Variants in ZBTB39 observed in about 807,000 individuals in gnomAD.
ZBTB39 encodes the protein zinc finger and BTB domain-containing protein 39.
A neutral mutation model predicts 39.4 loss-of-function variants in ZBTB39; 25 were observed. That is an observed-to-expected ratio of 0.63 (90% confidence interval 0.46 to 0.89). The LOEUF (loss-of-function observed/expected upper bound fraction) is 0.89. Ranked by LOEUF, ZBTB39 falls within the 40% of genes least tolerant of loss-of-function variation. The pLI is 0.00. For synonymous variants in ZBTB39, 373 were observed against 359.6 expected (o/e 1.04, Z -0.42); for missense variants, 891 against 909.7 (o/e 0.98, Z 0.26).
rs1043630257 is a variant in ZBTB39, at chr12:57,006,511, A to G, written c.-151T>C. On this transcript the variant is annotated 5_prime_UTR_variant, in exon 1 of 2. Transcript: ENST00000300101. ...AGGCGGCGCCGCCGGCCGCGGCCAG[A>G]CTCTCCATCCGCCGCGCGGCTCGCC... 2 of 143,404 alleles carry G rather than the reference A, an allele frequency of 1.4e-5. No individual in the cohort carries two copies. Among genetic ancestry groups the G allele is most frequent in the Non-Finnish European group, 3.1e-5 (2 of 65,016 alleles). 8.9% of individuals were successfully genotyped at this position (143,404 alleles called of 1,614,324 possible). A position where few individuals can be genotyped will look rare whatever the true frequency, so the allele number is the denominator to read the frequency against.
chr12:57,002,849 T>A lies in ZBTB39; in HGVS notation c.2069A>T (p.Asp690Val), dbSNP rs1956217702. ...CATGAAGGTCTGCTCGATGGTGAAGTCAGGGGGGAGGCTGCCTTTGTGCAC... is the reference window on the plus strand; with the variant it reads ...CATGAAGGTCTGCTCGATGGTGAAGACAGGGGGGAGGCTGCCTTTGTGCAC... ...VGVHKGSLPP[D>V]FTIEQTFMYI... Residue 690 changes from aspartate to valine, a missense_variant, in exon 2 of 2, where the codon GAC becomes GTC. Physicochemically the swap from Asp to Val is radical, Grantham distance 152. Coordinates refer to ENST00000300101, the MANE Select transcript of ZBTB39 (RefSeq NM_014830.3). 6.2e-7 allele frequency: 1 copy of A among 1,614,082 alleles called. No individual in the cohort carries two copies. Among genetic ancestry groups the A allele is most frequent in the Non-Finnish European group, 8.5e-7 (1 of 1,180,040 alleles).
chr12:57,001,898 T>A lies in ZBTB39; in HGVS notation c.*881A>T, dbSNP rs1397757648. 1.3e-5 allele frequency: 2 copies of A among 152,560 alleles called. No individual in the cohort carries two copies. The highest frequency in any genetic ancestry group is 2.9e-5 in the Non-Finnish European group (2 of 68,022). 9.5% of individuals were successfully genotyped at this position (152,560 alleles called of 1,614,324 possible). On this transcript the variant is annotated 3_prime_UTR_variant, in exon 2 of 2. Coordinates refer to ENST00000300101, the MANE Select transcript of ZBTB39 (RefSeq NM_014830.3). ...GGCAAGGCTGCTGCTGTCAGATACA[T>A]CCCCACCTCTCCACCAAGACACTCA...
Position 57,002,438 on chromosome 12 carries a change from G to C in ZBTB39, c.*341C>G. On this transcript the variant is annotated 3_prime_UTR_variant, in exon 2 of 2. Transcript: ENST00000300101. ...GAGGCTGTTGGTTGGATTCTTAGCA[G>C]CATAAAACCTATCAGTAAACTAAAA... 3.5e-6 allele frequency: 1 copy of C among 283,870 alleles called. No individual in the cohort carries two copies. The highest frequency in any genetic ancestry group is 6.7e-6 in the Non-Finnish European group (1 of 150,026). 17.6% of individuals were successfully genotyped at this position (283,870 alleles called of 1,614,324 possible).
Position 57,004,595 on chromosome 12 carries a change from C to T in ZBTB39, c.323G>A (p.Arg108His), listed in dbSNP as rs769635085. 29 of 1,614,090 alleles carry T rather than the reference C, an allele frequency of 1.8e-5. No homozygotes were observed. Among genetic ancestry groups the T allele is most frequent in the Middle Eastern group, 1.6e-4 (1 of 6,084 alleles). ...CTGGAGGAGGTCCTCCATACCCAGA[C>T]GCTCAGCTACCTCGTAGATGACCCC... ...NVGVIYEVAE[R>H]LGMEDLLQAC... is the part of the protein sequence containing the mutation. The change falls in exon 2 of 2, where the codon CGT (arginine) becomes CAT (histidine). Residue 108 changes from arginine (R) to histidine (H), a missense_variant. Transcript: ENST00000300101.
chr12:57,001,235 T>C lies in ZBTB39; in HGVS notation c.*1544A>G, dbSNP rs952327758. ...AAACTCATTTTCCTAAAGTCTCTTA[T>C]ACAAAAGAGATGCTGGGTAATGTGT... On this transcript the variant is annotated 3_prime_UTR_variant, in exon 2 of 2. Coordinates refer to ENST00000300101, the MANE Select transcript of ZBTB39 (RefSeq NM_014830.3). The C allele has an allele frequency of 6.6e-5, 10 of 152,550 alleles. No homozygotes were observed. The highest frequency in any genetic ancestry group is 2.2e-4 in the African/African-American group (9 of 41,448). The allele number at this position is 152,550 out of a possible 1,614,324, so 9.4% of individuals were successfully genotyped here.
chr12:57,003,507 T>A lies in ZBTB39; in HGVS notation c.1411A>T (p.Ile471Phe). 1 of 1,614,026 alleles carries A rather than the reference T, an allele frequency of 6.2e-7. No individual in the cohort carries two copies. The highest frequency in any genetic ancestry group is 8.5e-7 in the Non-Finnish European group (1 of 1,179,854). The part of the protein sequence containing the change: ...AKDFHVVRGH[I>F]LDHLNLKGQA... The stretch of plus-strand genomic sequence containing the variant: ...CCCTTCAAGTTTAGATGGTCAAGGA[T>A]GTGGCCCCGGACCACATGGAAATCT... The change falls in exon 2 of 2, where the codon ATC becomes TTC. Residue 471 changes from isoleucine (I) to phenylalanine (F), a missense_variant. Transcript: ENST00000300101. This position sits in a 1 kb window ranked among gnomAD's most constrained non-coding sequence, Gnocchi z 4.8.
chr12:57,004,242 T>A lies in ZBTB39; in HGVS notation c.676A>T (p.Thr226Ser). ...CTGACAGTGCCTAGGAGTGGCTGGGTCATCATGCTAGGAATGGACGTGAAG... is the reference window on the plus strand; with the variant it reads ...CTGACAGTGCCTAGGAGTGGCTGGGACATCATGCTAGGAATGGACGTGAAG... ...APFTSIPSMMTQPLLGTVSTG... is the reference protein window; with the variant it reads ...APFTSIPSMMSQPLLGTVSTG... The change falls in exon 2 of 2, where the codon ACC (threonine) becomes TCC (serine). Residue 226 changes from threonine (T) to serine (S), a missense_variant. Thr to Ser is a moderately conservative substitution (Grantham distance 58). Transcript: ENST00000300101. 6.2e-7 allele frequency: 1 copy of A among 1,611,228 alleles called. No individual in the cohort carries two copies. The highest frequency in any genetic ancestry group is 1.1e-5 in the South Asian group (1 of 90,984).
In ZBTB39 at chr12:57,004,464, G is replaced by A; in HGVS notation, c.454C>T (p.Pro152Ser). The A allele has an allele frequency of 3.1e-6, 5 of 1,614,204 alleles. No homozygotes were observed. In the East Asian group the frequency reaches 6.7e-5, roughly 22 times the overall value. Residue 152 changes from proline to serine, a missense_variant, in exon 2 of 2, where the codon CCT (proline) becomes TCT (serine). Pro to Ser is a moderately conservative substitution (Grantham distance 74). Coordinates refer to ENST00000300101, the MANE Select transcript of ZBTB39 (RefSeq NM_014830.3). Reference sequence around the variant, plus strand: ...CGGAGTTCTCCAAGGGGATGGGCAGGTTCTGCCGAAGGACAACTCAGGGTA... The same window carrying A: ...CGGAGTTCTCCAAGGGGATGGGCAGATTCTGCCGAAGGACAACTCAGGGTA... ...SGTLSCPSAE[P>S]AHPLGELRGG...
Position 57,002,851 on chromosome 12 carries a change from AG to A in ZBTB39, c.2066del (p.Pro689LeufsTer42). ...HVGVHKGSLP[P>X]DFTIEQTFMY... ...TGAAGGTCTGCTCGATGGTGAAGTC[AG>A]GGGGGAGGCTGCCTTTGTGCACACC... On this transcript the variant is annotated frameshift_variant, in exon 2 of 2. Coordinates refer to ENST00000300101, the MANE Select transcript of ZBTB39 (RefSeq NM_014830.3). LOFTEE classifies it high-confidence loss of function. The A allele has an allele frequency of 6.2e-7, 1 of 1,614,172 alleles. No homozygotes were observed. The highest frequency in any genetic ancestry group is 8.5e-7 in the Non-Finnish European group (1 of 1,180,018).
At position 57,004,427 on chromosome 12, in the gene ZBTB39, T is replaced by A; in HGVS notation, c.491A>T (p.Asp164Val). 6.2e-7 allele frequency: 1 copy of A among 1,614,196 alleles called. No individual in the cohort carries two copies. Among genetic ancestry groups the A allele is most frequent in the Non-Finnish European group, 8.5e-7 (1 of 1,180,030 alleles). Reference sequence around the variant, plus strand: ...ATAGTTTCTATCAGCACCAAGGTAGTCCCCACCACCTCGGAGTTCTCCAAG... The same window carrying A: ...ATAGTTTCTATCAGCACCAAGGTAGACCCCACCACCTCGGAGTTCTCCAAG... Reference protein sequence around the residue: ...HPLGELRGGGDYLGADRNYVL... With the variant: ...HPLGELRGGGVYLGADRNYVL... Residue 164 changes from aspartate (D) to valine (V), a missense_variant, in exon 2 of 2, where the codon GAC becomes GTC. Asp to Val is a radical substitution (Grantham distance 152, BLOSUM62 -3). Transcript: ENST00000300101.
At position 57,001,724 on chromosome 12, in the gene ZBTB39, T is replaced by A. The variant is rs1956211363; in HGVS notation, c.*1055A>T. On this transcript the variant is annotated 3_prime_UTR_variant, in exon 2 of 2. Transcript: ENST00000300101. Reference sequence around the variant, plus strand: ...CAGGTTACCCGACTAGGACAGACAGTCAGAACGCACACCCTGCTACACACC... The same window carrying A: ...CAGGTTACCCGACTAGGACAGACAGACAGAACGCACACCCTGCTACACACC... The A allele has an allele frequency of 6.6e-6, 1 of 151,874 alleles. No homozygotes were observed. Among genetic ancestry groups the A allele is most frequent in the African/African-American group, 2.4e-5 (1 of 41,084 alleles). 9.4% of individuals were successfully genotyped at this position (151,874 alleles called of 1,614,324 possible).
chr12:57,002,807 T>C lies in ZBTB39; in HGVS notation c.2111A>G (p.Lys704Arg). 6 of 1,614,094 alleles carry C rather than the reference T, an allele frequency of 3.7e-6. No homozygotes were observed. The highest frequency in any genetic ancestry group is 4.2e-6 in the Non-Finnish European group (5 of 1,179,972). Reference sequence around the variant, plus strand: ...ACTGTCCGGGTTCTTATCCGCCTCTTTGGAATGGATGATGTACATGAAGGT... The same window carrying C: ...ACTGTCCGGGTTCTTATCCGCCTCTCTGGAATGGATGATGTACATGAAGGT... ...EQTFMYIIHS[K>R]EADKNPDS is the part of the protein sequence containing the mutation. The change falls in exon 2 of 2, where the codon AAA becomes AGA. Residue 704 changes from lysine to arginine, a missense_variant. Coordinates refer to ENST00000300101, the MANE Select transcript of ZBTB39 (RefSeq NM_014830.3).
At position 57,002,904 on chromosome 12, in the gene ZBTB39, T is replaced by C; in HGVS notation, c.2014A>G (p.Thr672Ala). 1 of 1,614,096 alleles carries C rather than the reference T, an allele frequency of 6.2e-7. No homozygotes were observed. Among genetic ancestry groups the C allele is most frequent in the Non-Finnish European group, 8.5e-7 (1 of 1,180,014 alleles). ...RCTVCGHYSS[T>A]LNLMSKHVGV... is the part of the protein sequence containing the mutation. The stretch of plus-strand genomic sequence containing the variant: ...ACATGTTTGCTCATGAGGTTAAGGG[T>C]GGAACTGTAGTGCCCACAGACTGTG... Residue 672 changes from threonine (T) to alanine (A), a missense_variant, in exon 2 of 2, where the codon ACC becomes GCC. Coordinates refer to ENST00000300101, the MANE Select transcript of ZBTB39 (RefSeq NM_014830.3).
chr12:57,002,911 G>A lies in ZBTB39; in HGVS notation c.2007C>T (p.Tyr669=), dbSNP rs764228924. Residue 669 remains tyrosine, a synonymous_variant, in exon 2 of 2, where the codon TAC becomes TAT. Coordinates refer to ENST00000300101, the MANE Select transcript of ZBTB39 (RefSeq NM_014830.3). ...LMYRCTVCGH[Y]SSTLNLMSKH... The stretch of plus-strand genomic sequence containing the variant: ...TGCTCATGAGGTTAAGGGTGGAACT[G>A]TAGTGCCCACAGACTGTGCAGCGGT... 15 of 1,614,262 alleles carry A rather than the reference G, an allele frequency of 9.3e-6. No homozygotes were observed. Among genetic ancestry groups the A allele is most frequent in the Admixed American group, 8.3e-5 (5 of 60,034 alleles).
rs1681255331 is a variant in ZBTB39 at position 57,003,080 on chromosome 12, C to T, written c.1838G>A (p.Arg613Lys). The T allele has an allele frequency of 1.9e-6, 3 of 1,614,176 alleles. No homozygotes were observed. Among genetic ancestry groups the T allele is most frequent in the Non-Finnish European group, 2.5e-6 (3 of 1,180,036 alleles). ...SKYSCKVCGKRFAHTSEFNYH... is the reference protein window; with the variant it reads ...SKYSCKVCGKKFAHTSEFNYH... ...GTTGAATTCGCTTGTGTGGGCAAAT[C>T]TTTTGCCACAGACCTTGCAGCTATA... Residue 613 changes from arginine to lysine, a missense_variant, in exon 2 of 2, where the codon AGA becomes AAA. Transcript: ENST00000300101. This position sits in a 1 kb window ranked among gnomAD's most constrained non-coding sequence, Gnocchi z 4.8.
chr12:57,003,778 GT>G lies in ZBTB39; in HGVS notation c.1139del (p.His380ProfsTer9). The G allele has an allele frequency of 6.2e-7, 1 of 1,614,234 alleles. No homozygotes were observed. The highest frequency in any genetic ancestry group is 8.5e-7 in the Non-Finnish European group (1 of 1,180,048). On this transcript the variant is annotated frameshift_variant, in exon 2 of 2. Coordinates refer to ENST00000300101, the MANE Select transcript of ZBTB39 (RefSeq NM_014830.3). LOFTEE classifies it high-confidence loss of function. This position sits in a 1 kb window ranked among gnomAD's most constrained non-coding sequence, Gnocchi z 4.8. The part of the protein sequence containing the change: ...LTGNCKVCET[H>X]FQDRNSRVTH... ...TTACCCGGGAGTTTCGGTCCTGGAAGTGGGTCTCGCAGACCTTGCAGTTGCC... is the reference window on the plus strand; with the variant it reads ...TTACCCGGGAGTTTCGGTCCTGGAAGGGGTCTCGCAGACCTTGCAGTTGCC...
rs376665716 is a variant in ZBTB39, at chr12:57,004,318, C to A, written c.600G>T (p.Pro200=). The A allele has an allele frequency of 2.5e-6, 4 of 1,613,978 alleles. No homozygotes were observed. Among genetic ancestry groups the A allele is most frequent in the East Asian group, 4.5e-5 (2 of 44,890 alleles). Residue 200 remains proline, a synonymous_variant, in exon 2 of 2, where the codon CCG becomes CCT. Transcript: ENST00000300101. ...TCTTTGGCGGTGGTGGGGGCGGTTGCGGCAGATGCAGGCTATGGTTAGCGT... is the reference window on the plus strand; with the variant it reads ...TCTTTGGCGGTGGTGGGGGCGGTTGAGGCAGATGCAGGCTATGGTTAGCGT... ...ASDANHSLHL[P]QPPPPPPKTE...
Position 57,004,488 on chromosome 12 carries a change from T to C in ZBTB39, c.430A>G (p.Thr144Ala). Residue 144 changes from threonine to alanine, a missense_variant, in exon 2 of 2, where the codon ACC becomes GCC. Transcript: ENST00000300101. Reference protein sequence around the residue: ...LTSTSESHSGTLSCPSAEPAH... With the variant: ...LTSTSESHSGALSCPSAEPAH... The stretch of plus-strand genomic sequence containing the variant: ...GGTTCTGCCGAAGGACAACTCAGGG[T>C]ACCAGAGTGGCTCTCACTGGTGCTG... The C allele has an allele frequency of 1.2e-6, 2 of 1,614,136 alleles. No individual in the cohort carries two copies. The highest frequency in any genetic ancestry group is 2.2e-5 in the South Asian group (2 of 91,066).
In ZBTB39 at chr12:57,003,575, G is replaced by A. The variant is rs1956224432; in HGVS notation, c.1343C>T (p.Ser448Phe). The A allele has an allele frequency of 1.2e-6, 2 of 1,614,158 alleles. No individual in the cohort carries two copies. Among genetic ancestry groups the A allele is most frequent in the Non-Finnish European group, 1.7e-6 (2 of 1,179,970 alleles). ...GKLGLFSGAA[S>F]PELKCAACGK... ...ACAGGCAGCGCATTTCAGCTCTGGG[G>A]AGGCTGCCCCTGAAAAGAGACCCAG... Residue 448 changes from serine (S) to phenylalanine (F), a missense_variant, in exon 2 of 2, where the codon TCC (serine) becomes TTC (phenylalanine). Transcript: ENST00000300101. This position sits in a 1 kb window ranked among gnomAD's most constrained non-coding sequence, Gnocchi z 4.8.
Sources: allele counts gnomAD v4.1 joint callset, GRCh38; gene constraint gnomAD v4.1.1; non-coding constraint Gnocchi (gnomAD v3.1); transcripts MANE v1.5; gene names NCBI Gene and HGNC (gene_info 2026-07-23, HGNC 2026-07-21).